EML4: variants seen among roughly 807,000 people sequenced by gnomAD.
EML4 encodes the protein echinoderm microtubule-associated protein-like 4.
EML4 carries 72 observed loss-of-function variants against 129.0 expected under a neutral mutation model. The observed-to-expected ratio is 0.56, with a 90% CI of 0.46 to 0.68. EML4 has a LOEUF of 0.68. Among genes scored for constraint, EML4 ranks in the 30% least tolerant of loss-of-function variants. The pLI is 0.00. For synonymous variants in EML4, 532 were observed against 405.0 expected (o/e 1.31, Z -3.77); for missense variants, 1,363 against 1,190.6 (o/e 1.14, Z -2.13).
intron 11 of EML4, among the ~76,000 whole-genome samples, chr2:42,292,729 C>T (rs1300294284): frequency 6.6e-6 from 1 of 151,838 alleles, no homozygotes; most frequent in Non-Finnish European, 1.5e-5. Context: ...GAGCTATGTA[C>T]TTAAAATCTG....
chr2:42,305,560 GAT>G (rs1304429837), intron 17 of EML4, among the ~76,000 whole-genome samples: 1 of 152,150 alleles, frequency 6.6e-6, no homozygotes, highest in African/African-American at 2.4e-5. Flanking sequence ...ATATAATAAA[GAT>G]ATATTTTCTA....
chr2:42,332,405 T>C lies in EML4; in HGVS notation c.*2198T>C, dbSNP rs1372589233. 3 of 207,476 alleles carry C rather than the reference T, an allele frequency of 1.4e-5. No individual in the cohort carries two copies. The highest frequency in any genetic ancestry group is 1.5e-4 in the East Asian group (2 of 13,718). The allele number at this position is 207,476 out of a possible 1,614,324, so 12.9% of individuals were successfully genotyped here. A position where few individuals can be genotyped will look rare whatever the true frequency, so the allele number is the denominator to read the frequency against. ...GTGGGTGGGGTTATGAAATTGTAGA[T>C]GTTTTTAGAAAAACTTGTGAATGAA... On this transcript the variant is annotated 3_prime_UTR_variant, in exon 23 of 23. Transcript: ENST00000318522.
At chr2:42,279,522 A>G (rs1309086932) in intron 6 of EML4, among the ~76,000 whole-genome samples, 5 of 150,346 alleles carry the variant, frequency 3.3e-5, no homozygotes, top group South Asian at 2.1e-4. Context: ...CAGTGGCGCG[A>G]TCTTGGCTCA....
rs80337477 is a variant in EML4, at chr2:42,201,490, C to T, written c.25+31854C>T. On this transcript the variant is annotated intron_variant, in intron 1 of 22. Transcript: ENST00000318522. ...AACGCTTTCTGTGATGAAGCAGTCC[C>T]ACTTCTGAGTATATATCCAAAGGAA... is the stretch of plus-strand genomic sequence containing the variant. Among the ~76,000 whole-genome samples, 873 of 152,278 alleles carry T rather than the reference C, an allele frequency of 5.7e-3. 8 individuals carry two copies. Among genetic ancestry groups the T allele is most frequent in the African/African-American group, 0.02 (822 of 41,558 alleles).
In EML4 at chr2:42,183,299, G is replaced by A. The variant is rs1027449941; in HGVS notation, c.25+13663G>A. 4.6e-5 allele frequency among the ~76,000 whole-genome samples: 7 copies of A among 152,208 alleles called. No homozygotes were observed. In the South Asian group the frequency reaches 1.4e-3, roughly 32 times the overall value. On this transcript the variant is annotated intron_variant, in intron 1 of 22. Transcript: ENST00000318522. ...TCTCATGAAGCTTGTATTATCATGA[G>A]GGGAGATAGACAATAAAGAGTTTTA...
At chr2:42,322,778 C>G (rs2058270) in intron 19 of EML4, among the ~76,000 whole-genome samples, 92,374 of 152,072 alleles carry the variant, frequency 0.61, 28,793 homozygotes, top group East Asian at 0.74. Flanking sequence ...TAGCCTGTGA[C>G]TTGGGTAGAG....
chr2:42,322,231 A>G (rs1669563393), intron 19 of EML4, among the ~76,000 whole-genome samples: 1 of 152,218 alleles, frequency 6.6e-6, no homozygotes, highest in African/African-American at 2.4e-5. Flanking sequence ...CCAATATGGC[A>G]ATTACTAGCC....
chr2:42,208,429 T>C (rs980001243), intron 1 of EML4, among the ~76,000 whole-genome samples: 6 of 151,114 alleles, frequency 4.0e-5, no homozygotes, highest in East Asian at 3.9e-4. Context: ...CCTTTAATTT[T>C]TTTTCTTTTC....
At chr2:42,226,773 CAT>C (rs1289808037) in intron 1 of EML4, among the ~76,000 whole-genome samples, 1 of 152,014 alleles carries the variant, frequency 6.6e-6, no homozygotes, top group Non-Finnish European at 1.5e-5. Flanking sequence ...TGAGATAATG[CAT>C]ATGTTAAGTA....
At chr2:42,269,814 A>G (rs1347419811) in intron 6 of EML4, among the ~76,000 whole-genome samples, 3 of 152,206 alleles carry the variant, frequency 2.0e-5, no homozygotes, top group Non-Finnish European at 4.4e-5. Flanking sequence ...TTTAGCAATT[A>G]CATTTATAAA....
chr2:42,315,277 G>A (rs767226084), intron 17 of EML4, among the ~76,000 whole-genome samples: 4 of 152,046 alleles, frequency 2.6e-5, no homozygotes, highest in African/African-American at 4.8e-5. Flanking sequence ...GTTATATTGC[G>A]TCACCATCAC....
intron 2 of EML4, among the ~76,000 whole-genome samples, chr2:42,252,844 A>G (rs1481857536): frequency 6.6e-6 from 1 of 152,136 alleles, no homozygotes; most frequent in Non-Finnish European, 1.5e-5. Flanking sequence ...TAATCCTTAT[A>G]GAATTATGTG....
In EML4 at chr2:42,221,403, CTTTTTTTT is replaced by C. The variant is rs74816568; in HGVS notation, c.26-24085_26-24078del. On this transcript the variant is annotated intron_variant, in intron 1 of 22. Coordinates refer to ENST00000318522, the MANE Select transcript of EML4 (RefSeq NM_019063.5). ...AGCACATTGTTTACAACATGGTTTACTTTTTTTTTTTTTTTTTTTTTTTTGAGACAGGA... is the reference window on the plus strand; with the variant it reads ...AGCACATTGTTTACAACATGGTTTACTTTTTTTTTTTTTTTTGAGACAGGA... 4.8e-3 allele frequency among the ~76,000 whole-genome samples: 519 copies of C among 108,242 alleles called. 4 individuals are homozygous for C. The highest frequency in any genetic ancestry group is 0.013 in the African/African-American group (407 of 30,366). 71.0% of individuals were successfully genotyped at this position (108,242 alleles called of 152,430 possible).
At position 42,330,320 on chromosome 2, in the gene EML4, C is replaced by A; in HGVS notation, c.*113C>A. ...TCACTGTTGATTGAGATTTTGGTTT[C>A]CATGTGATTTGTTTTCTTCAATAGT... On this transcript the variant is annotated 3_prime_UTR_variant, in exon 23 of 23. Transcript: ENST00000318522. 1 of 974,330 alleles carries A rather than the reference C, an allele frequency of 1.0e-6. No homozygotes were observed. Among genetic ancestry groups the A allele is most frequent in the Non-Finnish European group, 1.6e-6 (1 of 627,028 alleles). 60.4% of individuals were successfully genotyped at this position (974,330 alleles called of 1,614,324 possible).
Position 42,220,531 on chromosome 2 carries a change from C to T in EML4, c.26-24974C>T, listed in dbSNP as rs575900126. Among the ~76,000 whole-genome samples, 4 of 152,230 alleles carry T rather than the reference C, an allele frequency of 2.6e-5. No homozygotes were observed. The Middle Eastern group carries it at 0.01, about 388-fold the overall frequency. ...CTGACTGCTCCACACACTGGCTGTT[C>T]CTCTGTCTCTCTCCCTCTCCTCAGG... On this transcript the variant is annotated intron_variant, in intron 1 of 22. Coordinates refer to ENST00000318522, the MANE Select transcript of EML4 (RefSeq NM_019063.5).
intron 6 of EML4, among the ~76,000 whole-genome samples, chr2:42,279,324 A>G (rs1016232071): frequency 2.0e-5 from 3 of 152,188 alleles, no homozygotes; most frequent in Admixed American, 1.3e-4. Context: ...GTGGGATTGC[A>G]GCATCATATG....
intron 1 of EML4, among the ~76,000 whole-genome samples, chr2:42,205,095 T>C (rs1216865890): frequency 6.6e-6 from 1 of 152,224 alleles, no homozygotes; most frequent in East Asian, 1.9e-4. Flanking sequence ...AATTTGATTC[T>C]TTTATTAAGA....
chr2:42,178,613 C>T (rs943865625), intron 1 of EML4, among the ~76,000 whole-genome samples: 5 of 152,124 alleles, frequency 3.3e-5, no homozygotes, highest in African/African-American at 1.2e-4. Context: ...GTGCCTGTCA[C>T]GTGAGAGATC....
chr2:42,292,747 A>ATT (rs1667720320), intron 11 of EML4, among the ~76,000 whole-genome samples: 2 of 152,128 alleles, frequency 1.3e-5, no homozygotes, highest in South Asian at 4.1e-4. Context: ...CTGTGTGCAT[A>ATT]TATATATGTA....
Sources: gnomAD v4.1 joint callset for allele counts (sites outside exome capture counted in the v4.1 genomes callset) on GRCh38, gnomAD v4.1.1 for gene constraint, MANE v1.5 for transcripts, NCBI Gene and HGNC (gene_info 2026-07-23, HGNC 2026-07-21) for gene names.